Variants in NBDY observed in about 807,000 individuals in gnomAD.
NBDY encodes P-body dissociating protein.
At chrX:56,810,735 T>C (rs192277623) in intron 2 of NBDY, among the ~76,000 whole-genome samples, 1 of 111,070 alleles carries the variant, frequency 9.0e-6, no homozygotes, top group East Asian at 2.9e-4. Context: ...TACTCACCTT[T>C]TCAAGGCTAC....
intron 2 of NBDY, among the ~76,000 whole-genome samples, chrX:56,785,116 C>A (rs180707579): frequency 8.1e-5 from 9 of 111,115 alleles, no homozygotes; most frequent in Non-Finnish European, 1.5e-4. Context: ...ACATCAATCT[C>A]GGGTGTGGGC....
rs192069047 is a variant in NBDY, at chrX:56,814,828, C to T, written c.*167-2492C>T. On this transcript the variant is annotated intron_variant, in intron 2 of 2. Coordinates refer to ENST00000374922, the MANE Select transcript of NBDY (RefSeq NM_001348129.2). Reference sequence around the variant, plus strand: ...TCTCTTCCGCTGTTCACCTTAGACTCTTGATCATATTTTGGGGTATTTCTT... The same window carrying T: ...TCTCTTCCGCTGTTCACCTTAGACTTTTGATCATATTTTGGGGTATTTCTT... Among the ~76,000 whole-genome samples, 655 of 110,550 alleles carry T rather than the reference C, an allele frequency of 5.9e-3. 1 individual carries two copies. Among genetic ancestry groups the T allele is most frequent in the Admixed American group, 9.5e-3 (99 of 10,388 alleles).
At chrX:56,787,871 T>A (rs1369120700) in intron 2 of NBDY, among the ~76,000 whole-genome samples, 1 of 112,609 alleles carries the variant, frequency 8.9e-6, no homozygotes, top group Non-Finnish European at 1.9e-5. Flanking sequence ...CCTCCATTTA[T>A]GATCCCAAGT....
intron 2 of NBDY, among the ~76,000 whole-genome samples, chrX:56,756,090 A>G (rs1602654682): frequency 1.1e-5 from 1 of 95,074 alleles, no homozygotes; most frequent in African/African-American, 3.9e-5. Flanking sequence ...GAATTGAACA[A>G]TGAGAACACA....
intron 2 of NBDY, among the ~76,000 whole-genome samples, chrX:56,782,958 C>T (rs1256844553): frequency 8.9e-6 from 1 of 112,380 alleles, no homozygotes; most frequent in African/African-American, 3.2e-5. Context: ...CACGCCTAAG[C>T]GGACACACAC....
At chrX:56,748,098 C>G (rs1250594491) in intron 2 of NBDY, among the ~76,000 whole-genome samples, 1 of 111,070 alleles carries the variant, frequency 9.0e-6, no homozygotes, top group Non-Finnish European at 1.9e-5. Flanking sequence ...CTGATTGAAT[C>G]AGGTCTACCC....
At chrX:56,736,162 A>G (rs1429042994) in intron 2 of NBDY, among the ~76,000 whole-genome samples, 1 of 112,284 alleles carries the variant, frequency 8.9e-6, no homozygotes, top group Non-Finnish European at 1.9e-5. Context: ...GGGAGGCTGC[A>G]TATCCTACTG....
At chrX:56,765,478 A>G (rs1218678875) in intron 2 of NBDY, among the ~76,000 whole-genome samples, 1 of 111,639 alleles carries the variant, frequency 9.0e-6, no homozygotes, top group African/African-American at 3.3e-5. Flanking sequence ...TTACTCAGGA[A>G]ATACCCCATC....
At chrX:56,781,070 T>C (rs2069684837) in intron 2 of NBDY, among the ~76,000 whole-genome samples, 1 of 111,391 alleles carries the variant, frequency 9.0e-6, no homozygotes, top group Admixed American at 9.5e-5. Context: ...TCGGGTGAAG[T>C]AAGGAACGCA....
chrX:56,747,751 G>C (rs1302201655), intron 2 of NBDY, among the ~76,000 whole-genome samples: 1 of 111,643 alleles, frequency 9.0e-6, no homozygotes, highest in Non-Finnish European at 1.9e-5. Flanking sequence ...TAAGATGCTT[G>C]TATGAAAATC....
At chrX:56,783,736 A>T (rs1223823957) in intron 2 of NBDY, among the ~76,000 whole-genome samples, 2 of 112,647 alleles carry the variant, frequency 1.8e-5, no homozygotes, top group Non-Finnish European at 3.8e-5. Flanking sequence ...CTTCCGCTGG[A>T]TGGCACTGTG....
At chrX:56,762,669 T>A (rs1382261312) in intron 2 of NBDY, among the ~76,000 whole-genome samples, 1 of 110,589 alleles carries the variant, frequency 9.0e-6, no homozygotes, top group Non-Finnish European at 1.9e-5. Flanking sequence ...CCTCAGCAAG[T>A]TTTCCCCCAT....
At position 56,810,799 on chromosome X, in the gene NBDY, A is replaced by C. The variant is rs775937388; in HGVS notation, c.*167-6521A>C. On this transcript the variant is annotated intron_variant, in intron 2 of 2. Coordinates refer to ENST00000374922, the MANE Select transcript of NBDY (RefSeq NM_001348129.2). ...GTCCAGTTTTGTTCCTTTGCTGGTG[A>C]GGAGTTATGATCCTTTGGAGGAGAA... 5.4e-5 allele frequency among the ~76,000 whole-genome samples: 6 copies of C among 110,152 alleles called. 1 individual carries two copies. The East Asian group carries it at 1.7e-3, about 32-fold the overall frequency.
rs1401446573 is a variant in NBDY, at chrX:56,818,596, AAAG to A, written c.*1445_*1447del. On this transcript the variant is annotated 3_prime_UTR_variant, in exon 3 of 3. Transcript: ENST00000374922. ...TATGCATCAGAAGGCACAGTATTAT[AAAG>A]ATGACAACACTCTTCAAAATAATCA... 9 of 112,152 alleles carry A rather than the reference AAAG, an allele frequency of 8.0e-5. No homozygotes were observed. The highest frequency in any genetic ancestry group is 1.7e-4 in the Non-Finnish European group (9 of 53,223). The allele number at this position is 112,152 out of a possible 1,213,427, so 9.2% of individuals were successfully genotyped here.
At chrX:56,797,772 A>T (rs142124967) in intron 2 of NBDY, among the ~76,000 whole-genome samples, 1,536 of 110,910 alleles carry the variant, frequency 0.014, 18 homozygotes, top group Middle Eastern at 0.028. Flanking sequence ...CAATTTGCCC[A>T]CTCTCACTCA....
At chrX:56,737,337 A>C in intron 2 of NBDY, 1 of 777,139 alleles carries the variant, frequency 1.3e-6, no homozygotes. Flanking sequence ...TATTTGGTCC[A>C]CTGCTCTTTA....
intron 2 of NBDY, among the ~76,000 whole-genome samples, chrX:56,760,575 C>T (rs1172158934): frequency 9.0e-6 from 1 of 111,676 alleles, no homozygotes; most frequent in East Asian, 2.8e-4. Flanking sequence ...ATCCCAACTA[C>T]GGGGAGGCTG....
intron 2 of NBDY, among the ~76,000 whole-genome samples, chrX:56,786,915 A>T (rs2069732557): frequency 1.8e-5 from 2 of 111,212 alleles, no homozygotes; most frequent in Admixed American, 9.6e-5. Flanking sequence ...AGCTGCCAAC[A>T]TGTTACTTTT....
At chrX:56,806,024 T>C (rs765261279) in intron 2 of NBDY, among the ~76,000 whole-genome samples, 54 of 110,567 alleles carry the variant, frequency 4.9e-4, no homozygotes, top group Middle Eastern at 4.7e-3. Context: ...CCTGTGTCCA[T>C]GTGTTCTCAT....
Sources: gnomAD v4.1 joint callset for allele counts (sites outside exome capture counted in the v4.1 genomes callset) on GRCh38, gnomAD v4.1.1 for gene constraint, MANE v1.5 for transcripts, NCBI Gene and HGNC (gene_info 2026-07-23, HGNC 2026-07-21) for gene names.